Variants in ENTREP2 observed in about 807,000 individuals in gnomAD.
The protein encoded by ENTREP2 is endosomal transmembrane epsin interactor 2.
the ENTREP2 span, among the ~76,000 whole-genome samples, chr15:29,212,096 C>T: frequency 7.2e-5 from 11 of 151,860 alleles, no homozygotes; most frequent in Non-Finnish European, 1.2e-4. Flanking sequence ...GCTGTGAATC[C>T]GTCTGGTCCT....
the ENTREP2 span, among the ~76,000 whole-genome samples, chr15:29,435,170 C>A: frequency 1.3e-5 from 2 of 152,128 alleles, no homozygotes; most frequent in African/African-American, 2.4e-5. Flanking sequence ...CTTTTCCCTC[C>A]CATTTTCTTT....
the ENTREP2 span, among the ~76,000 whole-genome samples, chr15:29,212,007 G>C: frequency 2.6e-5 from 4 of 152,068 alleles, no homozygotes; most frequent in Admixed American, 1.3e-4. Context: ...AATTAGGGAG[G>C]GTCTCTTCTT....
chr15:29,433,779 G>GT, the ENTREP2 span, among the ~76,000 whole-genome samples: 1 of 15,346 alleles, frequency 6.5e-5, no homozygotes, highest in Non-Finnish European at 1.3e-4. Context: ...ACTCCTCCAT[G>GT]GGAAAAAAAA....
the ENTREP2 span, among the ~76,000 whole-genome samples, chr15:29,665,946 C>T: frequency 5.7e-3 from 856 of 151,396 alleles, 8 homozygotes; most frequent in African/African-American, 0.02. Context: ...CTTCGCCTCC[C>T]GGGTTCAAAC....
the ENTREP2 span, among the ~76,000 whole-genome samples, chr15:29,318,197 G>T: frequency 0.17 from 26,222 of 152,146 alleles, 2,813 homozygotes; most frequent in Non-Finnish European, 0.25. Context: ...GAAGGTTTGT[G>T]GCAACCCTGC....
At chr15:29,263,830 G>C in the ENTREP2 span, among the ~76,000 whole-genome samples, 2 of 152,106 alleles carry the variant, frequency 1.3e-5, no homozygotes, top group Non-Finnish European at 2.9e-5. Context: ...TTTAGGAAAA[G>C]GATTAATTCC....
the ENTREP2 span, chr15:29,267,638 A>G: frequency 2.0e-5 from 3 of 152,170 alleles, no homozygotes; most frequent in African/African-American, 7.2e-5. Flanking sequence ...TACACGTTAT[A>G]TTTCCCCATA....
chr15:29,288,686 C>T, the ENTREP2 span, among the ~76,000 whole-genome samples: 6 of 152,136 alleles, frequency 3.9e-5, no homozygotes, highest in Non-Finnish European at 7.3e-5. Flanking sequence ...ATGGGCTGTA[C>T]CCTATAGCCT....
the ENTREP2 span, chr15:29,196,321 A>G: frequency 8.4e-7 from 1 of 1,185,764 alleles, no homozygotes; most frequent in Non-Finnish European, 1.2e-6. Flanking sequence ...CACTGAACCT[A>G]CCCCGGGAAG....
the ENTREP2 span, among the ~76,000 whole-genome samples, chr15:29,654,437 C>CTTT: frequency 0.017 from 2,543 of 152,264 alleles, 68 homozygotes; most frequent in African/African-American, 0.058. Flanking sequence ...AGAACATACG[C>CTTT]TTTGACAGAA....
At chr15:29,629,647 T>C in the ENTREP2 span, among the ~76,000 whole-genome samples, 2 of 152,152 alleles carry the variant, frequency 1.3e-5, no homozygotes, top group African/African-American at 4.8e-5. Context: ...CCATACCAGA[T>C]GGCATTATAA....
chr15:29,162,442 G>A, the ENTREP2 span, among the ~76,000 whole-genome samples: 3 of 152,130 alleles, frequency 2.0e-5, no homozygotes, highest in African/African-American at 7.2e-5. Flanking sequence ...CCCACTGCCC[G>A]AAAACAGACT....
the ENTREP2 span, among the ~76,000 whole-genome samples, chr15:29,451,267 T>C: frequency 6.6e-6 from 1 of 152,020 alleles, no homozygotes; most frequent in Non-Finnish European, 1.5e-5. Flanking sequence ...GGGTGGCAGC[T>C]CTCTGGCCGG....
the ENTREP2 span, among the ~76,000 whole-genome samples, chr15:29,624,386 C>T: frequency 1.8e-4 from 28 of 152,182 alleles, no homozygotes; most frequent in African/African-American, 5.3e-4. Context: ...TCATCTAGCT[C>T]GGTTTTCTGG....
At chr15:29,596,321 C>G in the ENTREP2 span, among the ~76,000 whole-genome samples, 1 of 152,226 alleles carries the variant, frequency 6.6e-6, no homozygotes, top group Non-Finnish European at 1.5e-5. Flanking sequence ...TCCATTACCA[C>G]ATAGATCCTT....
the ENTREP2 span, among the ~76,000 whole-genome samples, chr15:29,342,706 T>C: frequency 1.3e-5 from 2 of 152,168 alleles, no homozygotes; most frequent in East Asian, 3.9e-4. Context: ...TATCTTACTG[T>C]TGTTTTAATT....
At chr15:29,144,400 A>G in the ENTREP2 span, among the ~76,000 whole-genome samples, 1 of 152,208 alleles carries the variant, frequency 6.6e-6, no homozygotes, top group African/African-American at 2.4e-5. Flanking sequence ...GGAAAAGTGC[A>G]GGCTCAGATG....
the ENTREP2 span, among the ~76,000 whole-genome samples, chr15:29,304,862 A>G: frequency 6.6e-6 from 1 of 152,128 alleles, no homozygotes; most frequent in African/African-American, 2.4e-5. Context: ...TCTGCCTCAG[A>G]CATTGCAAGG....
chr15:29,441,189 T>G, the ENTREP2 span, among the ~76,000 whole-genome samples: 1 of 152,204 alleles, frequency 6.6e-6, no homozygotes, highest in Admixed American at 6.5e-5. Context: ...GACACTGTGC[T>G]GAGCAAAATA....
Sources: gnomAD v4.1 joint callset for allele counts (sites outside exome capture counted in the v4.1 genomes callset) on GRCh38, gnomAD v4.1.1 for gene constraint, MANE v1.5 for transcripts, NCBI Gene and HGNC (gene_info 2026-07-23, HGNC 2026-07-21) for gene names.